DCC: variants seen among roughly 807,000 people sequenced by gnomAD.
DCC encodes DCC netrin 1 receptor, also known as netrin receptor DCC.
DCC carries 58 observed loss-of-function variants against 172.5 expected under a neutral mutation model. That is an observed-to-expected ratio of 0.34 (90% confidence interval 0.27 to 0.42). The LOEUF is 0.42. Ranked by LOEUF, DCC falls within the 10% of genes least tolerant of loss-of-function variation. The pLI is 1.00. For missense variants in DCC, 1,740 were observed against 1,791.0 expected (o/e 0.97, Z 0.51); for synonymous variants, 709 against 644.5 (o/e 1.10, Z -1.52).
intron 5 of DCC, among the ~76,000 whole-genome samples, chr18:52,926,811 G>T (rs2040209418): frequency 7.4e-6 from 1 of 136,032 alleles, no homozygotes; most frequent in Non-Finnish European, 1.6e-5. Flanking sequence ...ATATACATAT[G>T]TGTGTGTATA....
At chr18:53,148,846 G>T (rs1030781515) in intron 7 of DCC, among the ~76,000 whole-genome samples, 2 of 131,078 alleles carry the variant, frequency 1.5e-5, no homozygotes, top group African/African-American at 2.9e-5. Context: ...CTCAAAACTA[G>T]CTCAGAACTT....
At chr18:53,392,602 A>G (rs942317314) in intron 17 of DCC, among the ~76,000 whole-genome samples, 6 of 152,174 alleles carry the variant, frequency 3.9e-5, no homozygotes, top group African/African-American at 1.4e-4. Flanking sequence ...TACTAAGATA[A>G]TTTTGTTACC....
At chr18:52,411,330 C>T (rs1560531) in intron 1 of DCC, among the ~76,000 whole-genome samples, 136,040 of 152,148 alleles carry the variant, frequency 0.89, 60,939 homozygotes, top group African/African-American at 0.95. Context: ...CTCTTAGTTA[C>T]TGGTCCTGGG....
chr18:53,432,046 A>G (rs1911651364), intron 21 of DCC, among the ~76,000 whole-genome samples: 1 of 152,198 alleles, frequency 6.6e-6, no homozygotes, highest in African/African-American at 2.4e-5. Context: ...TAAAATAAAT[A>G]TAACTATGAA....
At chr18:52,870,149 C>T (rs961391421) in intron 2 of DCC, among the ~76,000 whole-genome samples, 1 of 152,186 alleles carries the variant, frequency 6.6e-6, no homozygotes, top group Non-Finnish European at 1.5e-5. Flanking sequence ...GAGTGCTGCA[C>T]GAGCTGCGGC....
intron 2 of DCC, among the ~76,000 whole-genome samples, chr18:52,887,803 CCAATTTTTCT>C (rs1340621472): frequency 1.3e-5 from 2 of 152,048 alleles, no homozygotes; most frequent in Non-Finnish European, 2.9e-5. Flanking sequence ...TTTTTTAAAT[CCAATTTTTCT>C]CAGAATTAGT....
intron 15 of DCC, among the ~76,000 whole-genome samples, chr18:53,349,852 C>T (rs1264458529): frequency 1.3e-5 from 2 of 152,160 alleles, no homozygotes; most frequent in Non-Finnish European, 2.9e-5. Context: ...AGTTACAAGT[C>T]AAGATGAGAT....
chr18:52,443,510 C>T (rs1457369248), intron 1 of DCC, among the ~76,000 whole-genome samples: 2 of 152,168 alleles, frequency 1.3e-5, no homozygotes, highest in Non-Finnish European at 2.9e-5. Flanking sequence ...TAAAGACTCT[C>T]CTTGGGGAGT....
chr18:52,519,158 G>A (rs1431001976), intron 1 of DCC, among the ~76,000 whole-genome samples: 1 of 152,168 alleles, frequency 6.6e-6, no homozygotes, highest in East Asian at 1.9e-4. Flanking sequence ...GCTTGTGTGG[G>A]AGAGCTCCAG....
At chr18:53,235,935 T>C (rs1241332046) in intron 12 of DCC, among the ~76,000 whole-genome samples, 1 of 152,162 alleles carries the variant, frequency 6.6e-6, no homozygotes, top group Non-Finnish European at 1.5e-5. Flanking sequence ...TGGTATTTAA[T>C]ATTATGGTAA....
At chr18:52,911,071 T>G (rs2039964617) in intron 3 of DCC, among the ~76,000 whole-genome samples, 1 of 152,110 alleles carries the variant, frequency 6.6e-6, no homozygotes, top group Admixed American at 6.6e-5. Context: ...ATTACTTACA[T>G]TTCAAAACTA....
intron 5 of DCC, among the ~76,000 whole-genome samples, chr18:53,033,880 G>T (rs1230426346): frequency 2.6e-5 from 4 of 152,014 alleles, no homozygotes; most frequent in African/African-American, 4.8e-5. Flanking sequence ...CCAATGACCT[G>T]TATGGTTATT....
intron 5 of DCC, among the ~76,000 whole-genome samples, chr18:53,051,044 A>G (rs533571654): frequency 6.6e-6 from 1 of 152,202 alleles, no homozygotes; most frequent in East Asian, 1.9e-4. Flanking sequence ...AACTTGTGCA[A>G]CATAGTAGAT....
chr18:52,757,458 T>C (rs928112456), intron 2 of DCC, among the ~76,000 whole-genome samples: 3 of 152,170 alleles, frequency 2.0e-5, no homozygotes, highest in Admixed American at 2.0e-4. Flanking sequence ...TTTGCTTTTT[T>C]ATACAACCAT....
intron 9 of DCC, among the ~76,000 whole-genome samples, chr18:53,191,422 C>T (rs1487909427): frequency 1.3e-5 from 2 of 150,724 alleles, no homozygotes; most frequent in African/African-American, 4.9e-5. Context: ...TCTTTATAAC[C>T]TCATATTTTT....
rs577445099 is a variant in DCC, at chr18:52,340,964, G to A, written c.91+86G>A. ...TTTCATTTGGCGAGTAGTAGAATTG[G>A]GGTGGGGGATAGCAAGAGATTTGGC... On this transcript the variant is annotated intron_variant, in intron 1 of 28. Transcript: ENST00000442544. 1,506 of 1,068,656 alleles carry A rather than the reference G, an allele frequency of 1.4e-3. 17 individuals carry two copies. The Admixed American group carries it at 0.016, about 12-fold the overall frequency. The allele number at this position is 1,068,656 out of a possible 1,614,324, so 66.2% of individuals were successfully genotyped here.
intron 2 of DCC, among the ~76,000 whole-genome samples, chr18:52,783,487 A>T (rs1168154980): frequency 6.6e-6 from 1 of 151,448 alleles, no homozygotes; most frequent in East Asian, 1.9e-4. Flanking sequence ...TTCTTTCTGA[A>T]TCCTTATAAA....
chr18:53,101,343 G>C (rs2043169831), intron 7 of DCC, among the ~76,000 whole-genome samples: 1 of 152,056 alleles, frequency 6.6e-6, no homozygotes, highest in African/African-American at 2.4e-5. Context: ...GGGGCCTGCA[G>C]AAAGAGCTAG....
At chr18:53,435,117 A>G in intron 21 of DCC, 27 bp from the exon 22 acceptor site, 1 of 1,553,338 alleles carries the variant, frequency 6.4e-7, no homozygotes, top group Non-Finnish European at 8.9e-7. Context: ...TTGTACTGAC[A>G]TTGTGACATG....
Sources: allele counts gnomAD v4.1 joint callset (sites outside exome capture counted in the v4.1 genomes callset), GRCh38; gene constraint gnomAD v4.1.1; transcripts MANE v1.5; gene names NCBI Gene and HGNC (gene_info 2026-07-23, HGNC 2026-07-21).